PLCE1: variants seen among roughly 807,000 people sequenced by gnomAD.
PLCE1 encodes the protein phospholipase C epsilon 1, also known as 1-phosphatidylinositol 4,5-bisphosphate phosphodiesterase epsilon-1.
Under a neutral mutation model 242.8 loss-of-function variants are expected in PLCE1, and 119 were observed. The observed-to-expected ratio is 0.49, with a 90% CI of 0.42 to 0.57. The LOEUF is 0.57. Among genes scored for constraint, PLCE1 ranks in the 20% least tolerant of loss-of-function variants. PLCE1 has a pLI of 0.00. For synonymous variants in PLCE1, 945 were observed against 1,017.4 expected, an observed-to-expected ratio of 0.93 and a Z score of 1.35; for missense variants, 2,441 against 2,788.8, an observed-to-expected ratio of 0.88 and a Z score of 2.81.
chr10:94,327,788 CT>C (rs1278763589), intron 32 of PLCE1, among the ~76,000 whole-genome samples, 179 bp from the exon 33 acceptor site: 2 of 151,988 alleles, frequency 1.3e-5, no homozygotes, highest in African/African-American at 4.8e-5. Flanking sequence ...CAGAAATAAC[CT>C]AATGTTCTAC....
chr10:94,157,199 C>T (rs935427038), intron 3 of PLCE1, among the ~76,000 whole-genome samples: 3 of 152,176 alleles, frequency 2.0e-5, no homozygotes, highest in African/African-American at 7.2e-5. Context: ...GTTTCCATAG[C>T]CTGAAATGGT....
chr10:94,095,545 T>A (rs968238589), intron 2 of PLCE1, among the ~76,000 whole-genome samples: 37 of 152,186 alleles, frequency 2.4e-4, no homozygotes, highest in African/African-American at 8.4e-4. Context: ...TTTGTAGAAA[T>A]GAGGTTTCAT....
intron 2 of PLCE1, among the ~76,000 whole-genome samples, chr10:94,088,578 G>T (rs902490344): frequency 1.3e-5 from 2 of 152,178 alleles, no homozygotes; most frequent in African/African-American, 2.4e-5. Flanking sequence ...AGAAAAATTG[G>T]CCACTGGCTT....
At position 94,031,539 on chromosome 10, in the gene PLCE1, C is replaced by T. The variant is rs373678903; in HGVS notation, c.493C>T (p.Pro165Ser). Residue 165 changes from proline (P) to serine (S), a missense_variant, in exon 2 of 33, where the codon CCT (proline) becomes TCT (serine). Transcript: ENST00000371380. The part of the protein sequence containing the change: ...ELDRPSMGIS[P>S]LGNQSVIIET... Reference sequence around the variant, plus strand: ...AGACAGACCTTCCATGGGCATTAGTCCTTTAGGAAATCAGTCAGTGATCAT... The same window carrying T: ...AGACAGACCTTCCATGGGCATTAGTTCTTTAGGAAATCAGTCAGTGATCAT... 18 of 1,612,146 alleles carry T rather than the reference C, an allele frequency of 1.1e-5. No homozygotes were observed. The highest frequency in any genetic ancestry group is 8.0e-5 in the African/African-American group (6 of 74,876).
intron 1 of PLCE1, among the ~76,000 whole-genome samples, chr10:94,018,097 A>G (rs966287534): frequency 6.6e-6 from 1 of 152,182 alleles, no homozygotes; most frequent in Admixed American, 6.5e-5. Flanking sequence ...TACTGGTTTG[A>G]AAAAGCATTT....
chr10:94,007,247 G>A (rs1239419374), intron 1 of PLCE1, among the ~76,000 whole-genome samples: 3 of 150,934 alleles, frequency 2.0e-5, no homozygotes, highest in Admixed American at 2.0e-4. Context: ...AATCAGGACT[G>A]TAGCTCCAAG....
chr10:94,097,364 A>G (rs57192135), intron 2 of PLCE1, among the ~76,000 whole-genome samples: 1,581 of 152,324 alleles, frequency 0.01, 29 homozygotes, highest in African/African-American at 0.036. Context: ...ACAGGCACAC[A>G]TCAAGGGGGA....
At chr10:94,288,227 C>G (rs1479522837) in intron 22 of PLCE1, among the ~76,000 whole-genome samples, 1 of 152,142 alleles carries the variant, frequency 6.6e-6, no homozygotes, top group African/African-American at 2.4e-5. Flanking sequence ...TCCCTCACCT[C>G]CCTCCCACTC....
chr10:94,179,530 T>TTTTG (rs10636243), intron 4 of PLCE1, among the ~76,000 whole-genome samples: 5 of 118,820 alleles, frequency 4.2e-5, no homozygotes, highest in Non-Finnish European at 6.7e-5. Flanking sequence ...TTTTTTTTTT[T>TTTTG]GACAGGGTCT....
intron 24 of PLCE1, among the ~76,000 whole-genome samples, chr10:94,304,111 C>T (rs1036938590): frequency 1.4e-4 from 21 of 152,324 alleles, no homozygotes; most frequent in Admixed American, 5.2e-4. Flanking sequence ...GGTACCTTCT[C>T]GTCCTGGAAC....
intron 2 of PLCE1, among the ~76,000 whole-genome samples, chr10:94,115,959 G>A (rs114827183): frequency 6.7e-4 from 102 of 152,246 alleles, no homozygotes; most frequent in African/African-American, 2.4e-3. Context: ...ATGCAACAGG[G>A]ATGAGTCACT....
chr10:94,271,227 G>A (rs1372260803), intron 18 of PLCE1, among the ~76,000 whole-genome samples: 2 of 151,472 alleles, frequency 1.3e-5, no homozygotes, highest in African/African-American at 2.4e-5. Flanking sequence ...GGGATGCCAG[G>A]ATGTCATCTG....
chr10:94,139,367 T>A (rs1322474776), intron 3 of PLCE1: 2 of 163,376 alleles, frequency 1.2e-5, no homozygotes, highest in African/African-American at 4.8e-5. Flanking sequence ...GCTGCAAGAA[T>A]TCTTCCAACT....
chr10:94,281,650 G>A (rs1303305437), intron 20 of PLCE1, among the ~76,000 whole-genome samples: 2 of 152,120 alleles, frequency 1.3e-5, no homozygotes, highest in African/African-American at 4.8e-5. Context: ...CCTCAGATAT[G>A]TAATCAAAAG....
chr10:94,255,736 CAGA>C (rs1462033341), intron 11 of PLCE1, among the ~76,000 whole-genome samples: 6 of 152,210 alleles, frequency 3.9e-5, no homozygotes, highest in African/African-American at 1.4e-4. Flanking sequence ...TCTTCCCTCT[CAGA>C]AGAAGGAATG....
chr10:94,195,796 A>G (rs540101049), intron 4 of PLCE1, among the ~76,000 whole-genome samples: 1 of 152,304 alleles, frequency 6.6e-6, no homozygotes, highest in South Asian at 2.1e-4. Context: ...TCTGTACTAT[A>G]CATCTAAAAA....
chr10:94,114,939 C>T (rs184206470), intron 2 of PLCE1, among the ~76,000 whole-genome samples: 2 of 151,624 alleles, frequency 1.3e-5, no homozygotes, highest in African/African-American at 4.8e-5. Context: ...CACAACAGGC[C>T]CCGGTGTGTG....
rs1190139432 is a variant in PLCE1 at position 94,240,384 on chromosome 10, A to G, written c.2420+4264A>G. Among the ~76,000 whole-genome samples, 5 of 152,174 alleles carry G rather than the reference A, an allele frequency of 3.3e-5. No individual in the cohort carries two copies. The South Asian group carries it at 6.2e-4, about 19-fold the overall frequency. Reference sequence around the variant, plus strand: ...GCAGGGCCAGGATTTAAATTCAGGCAGACTGGTTCCAAAACCCACAGACTA... The same window carrying G: ...GCAGGGCCAGGATTTAAATTCAGGCGGACTGGTTCCAAAACCCACAGACTA... On this transcript the variant is annotated intron_variant, in intron 7 of 32. Transcript: ENST00000371380.
intron 2 of PLCE1, among the ~76,000 whole-genome samples, chr10:94,059,498 G>T (rs1306654989): frequency 1.3e-5 from 2 of 151,926 alleles, no homozygotes; most frequent in Non-Finnish European, 2.9e-5. Flanking sequence ...ACGGGGAGGG[G>T]GTGTGTGTGC....
Sources: allele counts gnomAD v4.1 joint callset (sites outside exome capture counted in the v4.1 genomes callset), GRCh38; gene constraint gnomAD v4.1.1; transcripts MANE v1.5; gene names NCBI Gene and HGNC (gene_info 2026-07-23, HGNC 2026-07-21).